Variants in USP48 observed in about 807,000 individuals in gnomAD.
The protein encoded by USP48 is ubiquitin specific peptidase 48.
In USP48, 43 loss-of-function variants were observed where a neutral mutation model predicts 150.7. The ratio of observed to expected loss-of-function variants is 0.29; its 90% CI spans 0.22 to 0.37. USP48 has a LOEUF of 0.37. Among genes scored for constraint, USP48 ranks in the 10% least tolerant of loss-of-function variants. USP48 has a pLI of 1.00. For synonymous variants in USP48, 396 were observed against 425.9 expected, an observed-to-expected ratio of 0.93 and a Z score of 0.86; for missense variants, 813 against 1,249.6, an observed-to-expected ratio of 0.65 and a Z score of 5.27.
chr1:21,761,266 G>A (rs1385039886), intron 1 of USP48, among the ~76,000 whole-genome samples: 1 of 151,086 alleles, frequency 6.6e-6, no homozygotes, highest in African/African-American at 2.4e-5. Flanking sequence ...CCAGCTATAA[G>A]TCAGAAGTAA....
intron 22 of USP48, among the ~76,000 whole-genome samples, chr1:21,697,662 CAAAAAAA>C (rs372121302): frequency 2.9e-4 from 20 of 68,430 alleles, no homozygotes; most frequent in Non-Finnish European, 5.5e-4. Flanking sequence ...GACTCCATCT[CAAAAAAA>C]AAAAAAAAGA....
In USP48 at chr1:21,736,591, G is replaced by T; in HGVS notation, c.1026C>A (p.Leu342=). 5 of 1,555,486 alleles carry T rather than the reference G, an allele frequency of 3.2e-6. No homozygotes were observed. Among genetic ancestry groups the T allele is most frequent in the Non-Finnish European group, 4.3e-6 (5 of 1,157,954 alleles). The change falls in exon 9 of 27, where the codon CTC becomes CTA. Residue 342 remains leucine, a synonymous_variant. Transcript: ENST00000308271. The part of the protein sequence containing the change: ...GSYVYELSAV[L]IHRGVSAYSG... The stretch of plus-strand genomic sequence containing the variant: ...AATAAGCACTCACTCCTCTGTGTAT[G>T]AGGACTGCGCTGAGTTCATACACGT...
intron 8 of USP48, 92 bp from the exon 9 acceptor site, chr1:21,736,717 C>T: frequency 8.9e-7 from 1 of 1,120,264 alleles, no homozygotes; most frequent in Non-Finnish European, 1.2e-6. Context: ...AATCTTTACA[C>T]ATGTGGTATA....
chr1:21,696,258 G>C (rs1414818029), intron 22 of USP48, among the ~76,000 whole-genome samples: 1 of 152,078 alleles, frequency 6.6e-6, no homozygotes, highest in Non-Finnish European at 1.5e-5. Context: ...GACTAAAATG[G>C]AGAAACCCCC....
chr1:21,689,030 T>C (rs1162031188), intron 24 of USP48, among the ~76,000 whole-genome samples: 2 of 152,030 alleles, frequency 1.3e-5, no homozygotes, highest in African/African-American at 2.4e-5. Flanking sequence ...AAAGAGGAGA[T>C]ACTTTAATAC....
chr1:21,762,140 G>C (rs2097851431), intron 1 of USP48, among the ~76,000 whole-genome samples: 1 of 152,104 alleles, frequency 6.6e-6, no homozygotes, highest in African/African-American at 2.4e-5. Flanking sequence ...GGTGGCGTGT[G>C]CCTATAATCC....
At chr1:21,731,518 C>T (rs2097756822) in intron 9 of USP48, among the ~76,000 whole-genome samples, 1 of 151,406 alleles carries the variant, frequency 6.6e-6, no homozygotes, top group Non-Finnish European at 1.5e-5. Flanking sequence ...CCCTCCTCGG[C>T]CTCCCAAAGT....
intron 25 of USP48, 141 bp from the exon 26 acceptor site, chr1:21,680,975 C>A: frequency 1.6e-6 from 1 of 620,702 alleles, no homozygotes; most frequent in Non-Finnish European, 2.8e-6. Context: ...TTTGAAGTTA[C>A]GGATGTTACT....
intron 22 of USP48, 47 bp downstream of exon 22, chr1:21,701,451 T>C (rs1206067832): frequency 9.2e-6 from 14 of 1,517,414 alleles, no homozygotes; most frequent in Non-Finnish European, 1.2e-5. Flanking sequence ...GGCTGCTCTA[T>C]AAGAACAGCA....
At chr1:21,708,289 A>C (rs1370473467) in intron 15 of USP48, among the ~76,000 whole-genome samples, 1 of 152,198 alleles carries the variant, frequency 6.6e-6, no homozygotes, top group Non-Finnish European at 1.5e-5. Context: ...TCACGAGGTC[A>C]GGAGTTTGAA....
intron 1 of USP48, among the ~76,000 whole-genome samples, chr1:21,776,579 T>A (rs2097898942): frequency 1.5e-5 from 1 of 67,424 alleles, no homozygotes; most frequent in African/African-American, 6.0e-5. Context: ...AGAAAGTGAA[T>A]AGTGTCTTGT....
chr1:21,756,183 T>A (rs2097833772), intron 3 of USP48, among the ~76,000 whole-genome samples: 1 of 143,752 alleles, frequency 7.0e-6, no homozygotes, highest in African/African-American at 2.6e-5. Context: ...ATAATAATAA[T>A]AATAAAATAA....
chr1:21,680,177 A>C (rs2097561896), intron 26 of USP48, among the ~76,000 whole-genome samples: 1 of 152,216 alleles, frequency 6.6e-6, no homozygotes, highest in East Asian at 1.9e-4. Context: ...ATTCCTTAGA[A>C]AATCACAACC....
intron 1 of USP48, among the ~76,000 whole-genome samples, chr1:21,758,160 A>T (rs2097841485): frequency 6.7e-6 from 1 of 150,298 alleles, no homozygotes; most frequent in African/African-American, 2.4e-5. Context: ...GTACATCTAT[A>T]TGGCAGAGTA....
Position 21,776,592 on chromosome 1 carries a change from C to CAAAAAAAA in USP48, c.134+6224_134+6231dup, listed in dbSNP as rs59309344. Among the ~76,000 whole-genome samples, 11 of 58,008 alleles carry CAAAAAAAA rather than the reference C, an allele frequency of 1.9e-4. 1 individual carries two copies. The highest frequency in any genetic ancestry group is 6.5e-4 in the East Asian group (1 of 1,532). The allele number at this position is 58,008 out of a possible 152,430, so 38.1% of individuals were successfully genotyped here. The stretch of plus-strand genomic sequence containing the variant: ...GGAGAAAGTGAATAGTGTCTTGTCT[C>CAAAAAAAA]AAAAAAAAAAAAAAAAAAAAAAAAA... On this transcript the variant is annotated intron_variant, in intron 1 of 26. Coordinates refer to ENST00000308271, the MANE Select transcript of USP48 (RefSeq NM_032236.8).
At position 21,761,121 on chromosome 1, in the gene USP48, G is replaced by T. The variant is rs541749885; in HGVS notation, c.135-3338C>A. Among the ~76,000 whole-genome samples, 3 of 151,900 alleles carry T rather than the reference G, an allele frequency of 2.0e-5. No individual in the cohort carries two copies. The East Asian group carries it at 5.8e-4, about 29-fold the overall frequency. On this transcript the variant is annotated intron_variant, in intron 1 of 26. Coordinates refer to ENST00000308271, the MANE Select transcript of USP48 (RefSeq NM_032236.8). ...AAAGAAAAAAAAGAAAAAAAAAAAG[G>T]AAGGTACAAAACACTGCATATCATG...
intron 21 of USP48, among the ~76,000 whole-genome samples, chr1:21,702,745 C>T (rs2097660763): frequency 6.6e-6 from 1 of 152,110 alleles, no homozygotes; most frequent in South Asian, 2.1e-4. Context: ...TCTAGACCAG[C>T]AATAGCCACT....
chr1:21,781,293 G>T (rs1309603064), intron 1 of USP48, among the ~76,000 whole-genome samples: 1 of 151,718 alleles, frequency 6.6e-6, no homozygotes, highest in Non-Finnish European at 1.5e-5. Context: ...AAAAAAATTA[G>T]CCGGGCATGA....
At chr1:21,782,449 C>T (rs1393898247) in intron 1 of USP48, among the ~76,000 whole-genome samples, 2 of 152,202 alleles carry the variant, frequency 1.3e-5, no homozygotes, top group African/African-American at 4.8e-5. Context: ...GGTGTCAACA[C>T]CAACAAGATA....
Sources: gnomAD v4.1 joint callset for allele counts (sites outside exome capture counted in the v4.1 genomes callset) on GRCh38, gnomAD v4.1.1 for gene constraint, MANE v1.5 for transcripts, NCBI Gene and HGNC (gene_info 2026-07-23, HGNC 2026-07-21) for gene names.